The following CHFR variants were observed in gnomAD, a reference collection of about 807,000 sequenced individuals.
CHFR encodes the protein E3 ubiquitin-protein ligase CHFR.
Under a neutral mutation model 87.6 loss-of-function variants are expected in CHFR, and 57 were observed. The ratio of observed to expected loss-of-function variants is 0.65; its 90% CI spans 0.53 to 0.81. The LOEUF (loss-of-function observed/expected upper bound fraction) is 0.81. Among genes scored for constraint, CHFR ranks in the 30% least tolerant of loss-of-function variants. The pLI is 0.00. For synonymous variants in CHFR, 381 were observed against 359.2 expected (o/e 1.06, Z -0.69); for missense variants, 797 against 865.8 (o/e 0.92, Z 1.00).
intron 1 of CHFR, 93 bp downstream of exon 1, chr12:132,887,454 G>T: frequency 2.6e-6 from 2 of 781,828 alleles, no homozygotes; most frequent in Non-Finnish European, 3.1e-6. Context: ...CAGCCCCGCA[G>T]CCCGGCCTGG....
chr12:132,849,374 C>T (rs993057691), intron 12 of CHFR: 5 of 151,878 alleles, frequency 3.3e-5, no homozygotes, highest in African/African-American at 1.2e-4. Context: ...GCCTCAGACC[C>T]GTATCGTTTC....
chr12:132,886,330 CAA>C (rs1160375153), intron 2 of CHFR, among the ~76,000 whole-genome samples: 1 of 137,900 alleles, frequency 7.3e-6, no homozygotes, highest in Admixed American at 7.2e-5. Context: ...AACAAAAAAA[CAA>C]AAAAAACCAG....
At chr12:132,879,421 CT>C (rs1951715874) in intron 2 of CHFR, among the ~76,000 whole-genome samples, 1 of 145,240 alleles carries the variant, frequency 6.9e-6, no homozygotes, top group East Asian at 2.0e-4. Flanking sequence ...GACGGAGTCT[CT>C]TTCTGTGGCC....
At chr12:132,878,011 C>T (rs1376338112) in intron 2 of CHFR, among the ~76,000 whole-genome samples, 1 of 151,954 alleles carries the variant, frequency 6.6e-6, no homozygotes, top group Non-Finnish European at 1.5e-5. Context: ...ACCATGTTAG[C>T]CAGGATGGTC....
chr12:132,875,879 A>T (rs182174483), intron 3 of CHFR, among the ~76,000 whole-genome samples: 5 of 152,238 alleles, frequency 3.3e-5, no homozygotes, highest in Admixed American at 6.5e-5. Context: ...AAAACACCGT[A>T]AGTGAAAAAA....
intron 14 of CHFR, 36 bp downstream of exon 14, chr12:132,848,049 T>C (rs1950864466): frequency 4.3e-6 from 7 of 1,613,642 alleles, no homozygotes; most frequent in Middle Eastern, 1.7e-4. Flanking sequence ...GGAGAAAATG[T>C]GGCTCCCGGC....
intron 2 of CHFR, among the ~76,000 whole-genome samples, chr12:132,886,765 T>C (rs780349155): frequency 1.1e-4 from 16 of 152,218 alleles, no homozygotes; most frequent in Non-Finnish European, 2.2e-4. Flanking sequence ...TTTTGGTGTA[T>C]TCTATTTTTG....
At chr12:132,842,099 A>C (rs1950714701) in intron 17 of CHFR, among the ~76,000 whole-genome samples, 1 of 115,374 alleles carries the variant, frequency 8.7e-6, no homozygotes, top group African/African-American at 3.2e-5. Flanking sequence ...ACAGAGCGAG[A>C]CTCCATCTCA....
chr12:132,872,663 T>C (rs1951518459), intron 3 of CHFR, among the ~76,000 whole-genome samples: 1 of 152,140 alleles, frequency 6.6e-6, no homozygotes, highest in Non-Finnish European at 1.5e-5. Context: ...CTGGGTTCTC[T>C]CCCCGTTTGC....
In CHFR at chr12:132,841,475, T is replaced by C; in HGVS notation, c.*79A>G. On this transcript the variant is annotated 3_prime_UTR_variant, in exon 18 of 18. Coordinates refer to ENST00000450056, the MANE Select transcript of CHFR (RefSeq NM_001161346.2). The stretch of plus-strand genomic sequence containing the variant: ...TCCCTCAGGGGGCTGTGAAAACACC[T>C]TGACGTGCTTGTCTCTGTATTTTAA... The C allele has an allele frequency of 1.5e-6, 2 of 1,300,348 alleles. No individual in the cohort carries two copies. Among genetic ancestry groups the C allele is most frequent in the Non-Finnish European group, 2.2e-6 (2 of 894,390 alleles). 80.6% of individuals were successfully genotyped at this position (1,300,348 alleles called of 1,614,324 possible).
intron 6 of CHFR, chr12:132,867,819 C>T (rs1239592694): frequency 1.3e-5 from 2 of 152,070 alleles, no homozygotes; most frequent in Non-Finnish European, 2.9e-5. Flanking sequence ...AAGAGCTTAA[C>T]AAACAAGGAG....
intron 10 of CHFR, chr12:132,853,849 C>G: frequency 2.2e-6 from 1 of 458,866 alleles, no homozygotes; most frequent in South Asian, 2.9e-5. Flanking sequence ...CTGACGTGTG[C>G]TCCCAGGAGA....
At chr12:132,883,208 A>G (rs1951809306) in intron 2 of CHFR, among the ~76,000 whole-genome samples, 1 of 149,774 alleles carries the variant, frequency 6.7e-6, no homozygotes, top group Admixed American at 6.7e-5. Flanking sequence ...CGGGAGGATC[A>G]CCTGAGGTCA....
Position 132,869,799 on chromosome 12 carries a change from C to T in CHFR, c.404-1G>A. ...CGCCCTGCACCTGCACCTGAGGTAT[C>T]TTTGGTCCCATGGAACACATTTTCC... On this transcript the variant is annotated splice_acceptor_variant, in intron 5 of 17. Transcript: ENST00000450056. LOFTEE classifies it high-confidence loss of function. 1 of 1,551,424 alleles carries T rather than the reference C, an allele frequency of 6.4e-7. No homozygotes were observed. The highest frequency in any genetic ancestry group is 8.7e-7 in the Non-Finnish European group (1 of 1,146,984).
chr12:132,887,077 A>T, intron 2 of CHFR, 119 bp downstream of exon 2: 3 of 806,936 alleles, frequency 3.7e-6, no homozygotes, highest in Non-Finnish European at 5.4e-6. Flanking sequence ...CAGTTCTTAC[A>T]TGACATTTCA....
Position 132,847,070 on chromosome 12 carries a change from G to A in CHFR, c.1708C>T (p.Leu570Phe). ...KNMLTESLVA[L>F]QRGVFLLSDY... ...GACAGCAGAAACACTCCCCGCTGGA[G>A]AGCCACGAGGCTCTCGGTCAACATG... Residue 570 changes from leucine to phenylalanine, a missense_variant, in exon 15 of 18, where the codon CTC (leucine) becomes TTC (phenylalanine). Coordinates refer to ENST00000450056, the MANE Select transcript of CHFR (RefSeq NM_001161346.2). 2 of 1,613,714 alleles carry A rather than the reference G, an allele frequency of 1.2e-6. No individual in the cohort carries two copies. The highest frequency in any genetic ancestry group is 8.5e-7 in the Non-Finnish European group (1 of 1,179,788).
chr12:132,883,293 G>A (rs1429121796), intron 2 of CHFR, among the ~76,000 whole-genome samples: 1 of 151,840 alleles, frequency 6.6e-6, no homozygotes, highest in Non-Finnish European at 1.5e-5. Context: ...AAGCATGGTG[G>A]TGAGTGCCTG....
In CHFR at chr12:132,843,000, G is replaced by A. The variant is rs1473044516; in HGVS notation, c.1916+11C>T. On this transcript the variant is annotated intron_variant, in intron 17 of 17. Transcript: ENST00000450056. The stretch of plus-strand genomic sequence containing the variant: ...TCTGTAGCTGACGCCTGTGCCCCCA[G>A]CTGCACTCACATGGCGTGGTGAGCT... 1.9e-6 allele frequency: 3 copies of A among 1,607,670 alleles called. No individual in the cohort carries two copies. Among genetic ancestry groups the A allele is most frequent in the Non-Finnish European group, 2.5e-6 (3 of 1,176,962 alleles).
rs1951933454 is a variant in CHFR, at chr12:132,887,586, C to G, written c.-52G>C. 1 of 153,854 alleles carries G rather than the reference C, an allele frequency of 6.5e-6. No homozygotes were observed. The highest frequency in any genetic ancestry group is 2.4e-5 in the African/African-American group (1 of 41,442). 9.5% of individuals were successfully genotyped at this position (153,854 alleles called of 1,614,324 possible). On this transcript the variant is annotated 5_prime_UTR_variant, in exon 1 of 18. Transcript: ENST00000450056. ...GAACCCGGAACCGGCTGCGCCGCCGCCGCTGTCAAGAGACATTGCGGCTCC... is the reference window on the plus strand; with the variant it reads ...GAACCCGGAACCGGCTGCGCCGCCGGCGCTGTCAAGAGACATTGCGGCTCC...
Sources: allele counts gnomAD v4.1 joint callset (sites outside exome capture counted in the v4.1 genomes callset), GRCh38; gene constraint gnomAD v4.1.1; transcripts MANE v1.5; gene names NCBI Gene and HGNC (gene_info 2026-07-23, HGNC 2026-07-21).